ARMH4: variants seen among roughly 807,000 people sequenced by gnomAD.
ARMH4 encodes the protein armadillo-like helical domain-containing protein 4.
A neutral mutation model predicts 61.9 loss-of-function variants in ARMH4; 49 were observed. The observed-to-expected ratio is 0.79, with a 90% CI of 0.63 to 1.00. The LOEUF is 1.00. ARMH4 is among the 50% of genes least tolerant of loss of function. ARMH4 has a pLI of 0.00. For missense variants in ARMH4, 934 were observed against 930.0 expected (o/e 1.00, Z -0.06); for synonymous variants, 368 against 341.5 (o/e 1.08, Z -0.85).
intron 5 of ARMH4, among the ~76,000 whole-genome samples, chr14:58,059,143 C>T (rs1884448384): frequency 1.3e-5 from 2 of 152,184 alleles, no homozygotes; most frequent in Non-Finnish European, 2.9e-5. Flanking sequence ...AGTAATCTAT[C>T]CAAAAGATGC....
intron 4 of ARMH4, among the ~76,000 whole-genome samples, chr14:58,105,872 G>C (rs1886153393): frequency 6.6e-6 from 1 of 152,124 alleles, no homozygotes; most frequent in Non-Finnish European, 1.5e-5. Context: ...AGCCTGAAAA[G>C]TTCCTTCTAG....
At chr14:58,065,479 A>G (rs1884673894) in intron 5 of ARMH4, among the ~76,000 whole-genome samples, 1 of 152,262 alleles carries the variant, frequency 6.6e-6, no homozygotes, top group African/African-American at 2.4e-5. Context: ...TACTGCAAGT[A>G]TACAGCATAC....
At position 58,132,510 on chromosome 14, in the gene ARMH4, A is replaced by AG. The variant is rs1887143468; in HGVS notation, c.1621+579dup. On this transcript the variant is annotated intron_variant, in intron 3 of 7. Coordinates refer to ENST00000267485, the MANE Select transcript of ARMH4 (RefSeq NM_001001872.4). ...GTTGCCAAACAGGAAGAGCCTTCTC[A>AG]GGGGGTCTGGCCTTTGAGGACCCAG... Among the ~76,000 whole-genome samples, 2 of 149,826 alleles carry AG rather than the reference A, an allele frequency of 1.3e-5. 1 individual carries two copies. Among genetic ancestry groups the AG allele is most frequent in the Admixed American group, 1.3e-4 (2 of 15,002 alleles).
intron 5 of ARMH4, among the ~76,000 whole-genome samples, chr14:58,042,307 G>T (rs1208976731): frequency 6.6e-6 from 1 of 152,172 alleles, no homozygotes; most frequent in East Asian, 1.9e-4. Flanking sequence ...ACTCAAAACT[G>T]CTCAACTACA....
intron 4 of ARMH4, 143 bp downstream of exon 4, chr14:58,131,369 C>A: frequency 1.8e-6 from 1 of 568,718 alleles, no homozygotes; most frequent in South Asian, 3.1e-5. Context: ...AAGTGGCAGG[C>A]CAGATTTGGC....
chr14:58,075,583 T>TCACACAC (rs201184427), intron 5 of ARMH4, among the ~76,000 whole-genome samples: 71,013 of 150,568 alleles, frequency 0.47, 17,061 homozygotes, highest in Non-Finnish European at 0.53. Context: ...GAGGAGAACA[T>TCACACAC]CACACACCGG....
chr14:58,092,990 C>A (rs1308623430), intron 5 of ARMH4, among the ~76,000 whole-genome samples: 1 of 152,054 alleles, frequency 6.6e-6, no homozygotes, highest in African/African-American at 2.4e-5. Flanking sequence ...CTGGGACGGA[C>A]TTCGTGGGAG....
intron 5 of ARMH4, among the ~76,000 whole-genome samples, chr14:58,083,285 G>C (rs1042674467): frequency 3.3e-5 from 5 of 152,154 alleles, no homozygotes; most frequent in African/African-American, 9.7e-5. Context: ...ATAATGGAAA[G>C]ATATTAAGTA....
chr14:58,083,028 T>C (rs565245651), intron 5 of ARMH4, among the ~76,000 whole-genome samples: 43 of 152,228 alleles, frequency 2.8e-4, no homozygotes, highest in African/African-American at 1.0e-3. Context: ...CTGCAGAGGA[T>C]CCAGTGAAGT....
intron 5 of ARMH4, among the ~76,000 whole-genome samples, chr14:58,043,003 A>G (rs1883782030): frequency 6.6e-6 from 1 of 152,246 alleles, no homozygotes; most frequent in African/African-American, 2.4e-5. Context: ...AGAAGGATTC[A>G]CAGCCGAATT....
chr14:58,134,956 CAAAAAAA>C (rs199939980), intron 2 of ARMH4, among the ~76,000 whole-genome samples: 5 of 73,866 alleles, frequency 6.8e-5, no homozygotes, highest in Non-Finnish European at 1.5e-4. Flanking sequence ...GACTCTGTCT[CAAAAAAA>C]AAAAAAAAAA....
intron 1 of ARMH4, among the ~76,000 whole-genome samples, chr14:58,150,587 G>A (rs1011355405): frequency 2.0e-5 from 3 of 152,164 alleles, no homozygotes; most frequent in Admixed American, 6.6e-5. Flanking sequence ...TATGTAGTAA[G>A]AAGCCTCCCA....
intron 5 of ARMH4, among the ~76,000 whole-genome samples, chr14:58,054,778 A>AG (rs2141205474): frequency 6.6e-6 from 1 of 151,840 alleles, no homozygotes; most frequent in African/African-American, 2.4e-5. Flanking sequence ...GGCACCTGTA[A>AG]TGCCAGAAGA....
chr14:58,001,213 T>C lies in ARMH4; in HGVS notation c.*3523A>G, dbSNP rs1881972409. On this transcript the variant is annotated 3_prime_UTR_variant, in exon 8 of 8. Coordinates refer to ENST00000267485, the MANE Select transcript of ARMH4 (RefSeq NM_001001872.4). ...CCTTATTTCCTATGGCTGAATAATA[T>C]TCTACTGTATGTATATACCACATTT... The C allele has an allele frequency of 6.6e-6, 1 of 152,222 alleles. No individual in the cohort carries two copies. Among genetic ancestry groups the C allele is most frequent in the Non-Finnish European group, 1.5e-5 (1 of 68,042 alleles). The allele number at this position is 152,222 out of a possible 1,614,324, so 9.4% of individuals were successfully genotyped here. A position where few individuals can be genotyped will look rare whatever the true frequency, so the allele number is the denominator to read the frequency against.
At chr14:58,052,407 G>A (rs754937738) in intron 5 of ARMH4, among the ~76,000 whole-genome samples, 1 of 152,076 alleles carries the variant, frequency 6.6e-6, no homozygotes, top group Admixed American at 6.6e-5. Context: ...AAGGAAGAGC[G>A]GGTTTCATGG....
intron 5 of ARMH4, among the ~76,000 whole-genome samples, chr14:58,090,330 A>T (rs1458457550): frequency 6.6e-6 from 1 of 152,160 alleles, no homozygotes; most frequent in Admixed American, 6.5e-5. Flanking sequence ...ATTTAACAAG[A>T]TTGATCATGG....
intron 5 of ARMH4, among the ~76,000 whole-genome samples, chr14:58,057,150 C>T (rs1390200725): frequency 6.6e-6 from 1 of 152,136 alleles, no homozygotes; most frequent in Non-Finnish European, 1.5e-5. Context: ...GGATCTCAAA[C>T]CAATATAGTA....
intron 4 of ARMH4, among the ~76,000 whole-genome samples, chr14:58,111,449 T>A (rs1227280548): frequency 6.6e-6 from 1 of 152,196 alleles, no homozygotes; most frequent in Non-Finnish European, 1.5e-5. Flanking sequence ...ACAACTTGAT[T>A]GTGTTAGTAA....
intron 5 of ARMH4, among the ~76,000 whole-genome samples, chr14:58,015,718 C>A (rs1882585545): frequency 7.4e-6 from 1 of 135,352 alleles, no homozygotes; most frequent in Non-Finnish European, 1.6e-5. Context: ...GAATGCAATG[C>A]AAGAAGAAAG....
Sources: allele counts gnomAD v4.1 joint callset (sites outside exome capture counted in the v4.1 genomes callset), GRCh38; gene constraint gnomAD v4.1.1; transcripts MANE v1.5; gene names NCBI Gene and HGNC (gene_info 2026-07-23, HGNC 2026-07-21).